The following ARHGAP28 variants were observed in gnomAD, a reference collection of about 807,000 sequenced individuals.
ARHGAP28 encodes the protein rho GTPase-activating protein 28.
In ARHGAP28, 56 loss-of-function variants were observed where a neutral mutation model predicts 90.7. The observed-to-expected ratio is 0.62, with a 90% confidence interval of 0.50 to 0.77. ARHGAP28 has a LOEUF of 0.77. ARHGAP28 is among the 30% of genes least tolerant of loss of function. The probability of loss-of-function intolerance (pLI) is 0.00; values close to 1 mark genes in which losing one functional copy is unlikely to be tolerated. For synonymous variants in ARHGAP28, 308 were observed against 323.3 expected, an observed-to-expected ratio of 0.95 and a Z score of 0.51; for missense variants, 869 against 900.9, an observed-to-expected ratio of 0.96 and a Z score of 0.45.
chr18:6,884,409 C>T (rs1413527903), intron 11 of ARHGAP28, among the ~76,000 whole-genome samples: 1 of 152,118 alleles, frequency 6.6e-6, no homozygotes, highest in Non-Finnish European at 1.5e-5. Flanking sequence ...GCAGTTCTAA[C>T]ACCTGGGTTA....
intron 1 of ARHGAP28, among the ~76,000 whole-genome samples, chr18:6,811,455 G>A (rs2056555748): frequency 6.6e-6 from 1 of 152,134 alleles, no homozygotes; most frequent in Non-Finnish European, 1.5e-5. Context: ...TTCAAAGTCT[G>A]TTCACTTCTT....
rs1462959746 is a variant in ARHGAP28 at position 6,729,842 on chromosome 18, C to G, written c.21C>G (p.Gly7=). 15 of 1,421,848 alleles carry G rather than the reference C, an allele frequency of 1.1e-5. No homozygotes were observed. Among genetic ancestry groups the G allele is most frequent in the Non-Finnish European group, 1.2e-5 (13 of 1,090,496 alleles). 88.1% of individuals were successfully genotyped at this position (1,421,848 alleles called of 1,614,324 possible). Residue 7 remains glycine (G), a synonymous_variant, in exon 1 of 18, where the codon GGC becomes GGG. Transcript: ENST00000383472. MEVEDS[G]GVVLTAYHSY... Reference sequence around the variant, plus strand: ...TGACGATGGAGGTGGAGGACTCGGGCGGCGTGGTGCTGACCGCCTACCACT... The same window carrying G: ...TGACGATGGAGGTGGAGGACTCGGGGGGCGTGGTGCTGACCGCCTACCACT...
intron 5 of ARHGAP28, among the ~76,000 whole-genome samples, chr18:6,867,434 G>C (rs940419447): frequency 2.0e-5 from 3 of 152,088 alleles, no homozygotes; most frequent in African/African-American, 7.2e-5. Flanking sequence ...AAATTTATAA[G>C]ATTTGCATGT....
chr18:6,852,445 C>T (rs975483256), intron 4 of ARHGAP28, among the ~76,000 whole-genome samples: 1 of 152,154 alleles, frequency 6.6e-6, no homozygotes, highest in African/African-American at 2.4e-5. Flanking sequence ...GCTATTGATT[C>T]ATAATTTACT....
intron 3 of ARHGAP28, among the ~76,000 whole-genome samples, chr18:6,848,167 G>A (rs2056881348): frequency 6.6e-6 from 1 of 152,134 alleles, no homozygotes; most frequent in Non-Finnish European, 1.5e-5. Flanking sequence ...AGGAAATAGT[G>A]GGAACCTCCT....
intron 16 of ARHGAP28, among the ~76,000 whole-genome samples, chr18:6,907,348 T>C (rs1364481745): frequency 1.3e-5 from 2 of 150,648 alleles, no homozygotes; most frequent in Admixed American, 1.3e-4. Flanking sequence ...CACACAAACC[T>C]GTTCACAAAT....
chr18:6,842,002 A>G (rs1417832859), intron 3 of ARHGAP28, among the ~76,000 whole-genome samples: 2 of 152,082 alleles, frequency 1.3e-5, no homozygotes, highest in Non-Finnish European at 2.9e-5. Flanking sequence ...AAATGTTCTT[A>G]TATTTTCCAA....
At chr18:6,739,904 G>T (rs1321104342) in intron 1 of ARHGAP28, among the ~76,000 whole-genome samples, 5 of 139,070 alleles carry the variant, frequency 3.6e-5, no homozygotes, top group Non-Finnish European at 7.6e-5. Context: ...GTCCAGGCTT[G>T]TGTGCAATGG....
At chr18:6,856,782 C>T (rs1017925600) in intron 4 of ARHGAP28, among the ~76,000 whole-genome samples, 2 of 152,178 alleles carry the variant, frequency 1.3e-5, no homozygotes, top group South Asian at 2.1e-4. Flanking sequence ...TCAGCAGGCC[C>T]CCCATCCTGG....
chr18:6,868,047 T>C, intron 5 of ARHGAP28, 103 bp from the exon 6 acceptor site: 1 of 913,174 alleles, frequency 1.1e-6, no homozygotes, highest in South Asian at 1.8e-5. Context: ...TTTTTTTATG[T>C]GAAAATAACT....
At chr18:6,841,203 C>CTCTCACTGTCTCTCTCTCTCTCT (rs754874496) in intron 3 of ARHGAP28, among the ~76,000 whole-genome samples, 2 of 41,972 alleles carry the variant, frequency 4.8e-5, no homozygotes, top group African/African-American at 2.3e-4. Flanking sequence ...CTCTCTCTCT[C>CTCTCACTGTCTCTCTCTCTCTCT]CTCTCCTCTC....
At chr18:6,731,575 CG>C (rs1175397505) in intron 1 of ARHGAP28, among the ~76,000 whole-genome samples, 1 of 152,160 alleles carries the variant, frequency 6.6e-6, no homozygotes, top group Non-Finnish European at 1.5e-5. Context: ...ATTAGATTCA[CG>C]TTGTTCCAAG....
At chr18:6,828,456 T>C (rs894909836) in intron 2 of ARHGAP28, among the ~76,000 whole-genome samples, 2 of 152,210 alleles carry the variant, frequency 1.3e-5, no homozygotes, top group African/African-American at 4.8e-5. Context: ...ATTTTTGTTT[T>C]TATAGAAATT....
At chr18:6,857,560 G>C (rs545454848) in intron 4 of ARHGAP28, among the ~76,000 whole-genome samples, 7 of 152,208 alleles carry the variant, frequency 4.6e-5, no homozygotes, top group Admixed American at 3.3e-4. Flanking sequence ...TTTAGGTTGT[G>C]CCTCCAGTGG....
chr18:6,841,196 T>TCCTCTCTCTCTCTC (rs1463897952), intron 3 of ARHGAP28, among the ~76,000 whole-genome samples: 14 of 63,886 alleles, frequency 2.2e-4, no homozygotes, highest in African/African-American at 9.6e-4. Context: ...TCTCTCTCTC[T>TCCTCTCTCTCTCTC]CTCTCTCCTC....
Position 6,837,426 on chromosome 18 carries a change from C to T in ARHGAP28, c.543+12C>T. 6.9e-7 allele frequency: 1 copy of T among 1,455,406 alleles called. No homozygotes were observed. Among genetic ancestry groups the T allele is most frequent in the Non-Finnish European group, 9.4e-7 (1 of 1,063,136 alleles). 90.2% of individuals were successfully genotyped at this position (1,455,406 alleles called of 1,614,324 possible). ...TCAGTGAATCTCCTGTAAGTAATGGCTCAAACATGGCTCAAAAGGCGCCTA... is the reference window on the plus strand; with the variant it reads ...TCAGTGAATCTCCTGTAAGTAATGGTTCAAACATGGCTCAAAAGGCGCCTA... On this transcript the variant is annotated intron_variant, in intron 3 of 17. Transcript: ENST00000383472.
At chr18:6,791,838 GGTT>G (rs1270185118) in intron 1 of ARHGAP28, among the ~76,000 whole-genome samples, 3 of 148,536 alleles carry the variant, frequency 2.0e-5, no homozygotes, top group African/African-American at 7.5e-5. Context: ...TTAATTTGTG[GGTT>G]TTTTTTGTTT....
At chr18:6,907,157 CA>C (rs1388091022) in intron 16 of ARHGAP28, among the ~76,000 whole-genome samples, 1 of 152,098 alleles carries the variant, frequency 6.6e-6, no homozygotes, top group African/African-American at 2.4e-5. Flanking sequence ...GTGACAACAC[CA>C]AATACAGGCA....
chr18:6,824,090 C>A (rs562895314), intron 1 of ARHGAP28, among the ~76,000 whole-genome samples: 20 of 152,296 alleles, frequency 1.3e-4, no homozygotes, highest in African/African-American at 4.8e-4. Context: ...CTCTTATGTC[C>A]TTCTCTGCCA....
Sources: gnomAD v4.1 joint callset for allele counts (sites outside exome capture counted in the v4.1 genomes callset) on GRCh38, gnomAD v4.1.1 for gene constraint, MANE v1.5 for transcripts, NCBI Gene and HGNC (gene_info 2026-07-23, HGNC 2026-07-21) for gene names.